The following CDH11 variants were observed in gnomAD, a reference collection of about 807,000 sequenced individuals.
CDH11 encodes the protein cadherin-11.
Under a neutral mutation model 67.8 loss-of-function variants are expected in CDH11, and 11 were observed. That is an observed-to-expected ratio of 0.16 (90% CI 0.10 to 0.27). The LOEUF (loss-of-function observed/expected upper bound fraction) is 0.27, where lower values mean the gene tolerates loss of function less well. CDH11 is among the 10% of genes least tolerant of loss of function. The pLI is 1.00. For synonymous variants in CDH11, 419 were observed against 400.0 expected, an observed-to-expected ratio of 1.05 and a Z score of -0.57; for missense variants, 847 against 1,031.2, an observed-to-expected ratio of 0.82 and a Z score of 2.45.
At chr16:65,003,606 T>C (rs994677747) in intron 3 of CDH11, among the ~76,000 whole-genome samples, 1 of 152,236 alleles carries the variant, frequency 6.6e-6, no homozygotes, top group African/African-American at 2.4e-5. Context: ...AAGATAACTG[T>C]ACATTTTACT....
intron 9 of CDH11, 83 bp from the exon 10 acceptor site, chr16:64,972,147 C>G: frequency 3.3e-6 from 4 of 1,221,194 alleles, no homozygotes; most frequent in Non-Finnish European, 4.8e-6. Flanking sequence ...AAAGAGTAAG[C>G]TCCAGCCACC....
intron 6 of CDH11, among the ~76,000 whole-genome samples, chr16:64,989,053 A>T (rs778780773): frequency 6.6e-6 from 1 of 152,198 alleles, no homozygotes. Context: ...ACTACTAAAC[A>T]AAACAGTCAA....
chr16:65,046,026 T>C (rs2073956435), intron 2 of CDH11, among the ~76,000 whole-genome samples: 1 of 152,176 alleles, frequency 6.6e-6, no homozygotes, highest in Admixed American at 6.5e-5. Flanking sequence ...CTTACTAAGT[T>C]ACTTCCTGCT....
chr16:65,074,399 AGCTGTGCAACCCCCCG>A (rs756977190), intron 1 of CDH11, among the ~76,000 whole-genome samples: 1 of 152,244 alleles, frequency 6.6e-6, no homozygotes, highest in Non-Finnish European at 1.5e-5. Context: ...ATCATTTGGT[AGCTGTGCAACCCCCCG>A]GCTTAACTTC....
chr16:65,061,686 T>C (rs951270679), intron 1 of CDH11, among the ~76,000 whole-genome samples: 4 of 152,244 alleles, frequency 2.6e-5, no homozygotes, highest in African/African-American at 9.6e-5. Context: ...TTAATCATCT[T>C]TGGGGATTTA....
rs1003418668 is a variant in CDH11 at position 64,955,861 on chromosome 16, A to T, written c.1643-4843T>A. On this transcript the variant is annotated intron_variant, in intron 11 of 12. Transcript: ENST00000268603. ...CAATAACGAAACCCCTTTACTAGACACCAATTTTTCACCCTATATTTGACT... is the reference window on the plus strand; with the variant it reads ...CAATAACGAAACCCCTTTACTAGACTCCAATTTTTCACCCTATATTTGACT... Among the ~76,000 whole-genome samples, 3 of 152,156 alleles carry T rather than the reference A, an allele frequency of 2.0e-5. No homozygotes were observed. In the East Asian group the frequency reaches 5.8e-4, roughly 29 times the overall value.
chr16:65,055,887 A>G (rs2074133832), intron 1 of CDH11, among the ~76,000 whole-genome samples: 1 of 152,172 alleles, frequency 6.6e-6, no homozygotes, highest in African/African-American at 2.4e-5. Flanking sequence ...TATGGGAGGT[A>G]ATTAGGTTTA....
intron 4 of CDH11, among the ~76,000 whole-genome samples, chr16:64,995,983 TA>T (rs548592839): frequency 2.6e-5 from 4 of 151,890 alleles, no homozygotes; most frequent in South Asian, 2.1e-4. Context: ...CTTACAAATA[TA>T]AAAAAATTGG....
intron 1 of CDH11, among the ~76,000 whole-genome samples, chr16:65,115,972 A>C (rs1026058234): frequency 6.6e-6 from 1 of 152,104 alleles, no homozygotes; most frequent in African/African-American, 2.4e-5. Context: ...GAAAAAATCT[A>C]TGATGAGCAA....
At chr16:65,106,859 C>T (rs2075074473) in intron 1 of CDH11, among the ~76,000 whole-genome samples, 1 of 151,678 alleles carries the variant, frequency 6.6e-6, no homozygotes, top group South Asian at 2.1e-4. Flanking sequence ...ATGAGCACAT[C>T]ACAGAAAACA....
chr16:65,023,915 G>A (rs1392714695), intron 2 of CDH11, among the ~76,000 whole-genome samples: 7 of 152,058 alleles, frequency 4.6e-5, no homozygotes, highest in Non-Finnish European at 4.4e-5. Context: ...CTTGTGAAAC[G>A]AGTCCTACCC....
intron 4 of CDH11, among the ~76,000 whole-genome samples, chr16:64,997,060 A>T (rs935072948): frequency 6.6e-6 from 1 of 151,962 alleles, no homozygotes; most frequent in African/African-American, 2.4e-5. Context: ...GCACTTTGGG[A>T]GGCTGAGGTG....
chr16:65,081,106 A>G (rs1054156955), intron 1 of CDH11, among the ~76,000 whole-genome samples: 1 of 152,206 alleles, frequency 6.6e-6, no homozygotes, highest in South Asian at 2.1e-4. Context: ...CGTTAATACT[A>G]TATGCATATG....
intron 2 of CDH11, among the ~76,000 whole-genome samples, chr16:65,035,188 G>C (rs768419264): frequency 5.3e-5 from 8 of 152,246 alleles, no homozygotes; most frequent in Non-Finnish European, 7.3e-5. Flanking sequence ...GGAGCATCCA[G>C]GGTGCCACAC....
intron 12 of CDH11, chr16:64,948,713 G>A (rs1355907100): frequency 2.5e-6 from 4 of 1,603,986 alleles, no homozygotes; most frequent in Non-Finnish European, 3.4e-6. Context: ...TAGGAAAATA[G>A]CATCAGCTGG....
intron 1 of CDH11, among the ~76,000 whole-genome samples, chr16:65,108,055 G>A (rs1160254591): frequency 1.3e-5 from 2 of 152,116 alleles, no homozygotes; most frequent in East Asian, 3.9e-4. Flanking sequence ...AAATGAGACA[G>A]AAGTTAGGCA....
chr16:64,947,441 C>CA lies in CDH11; in HGVS notation c.*161dup, dbSNP rs2071223186. 2 of 1,429,436 alleles carry CA rather than the reference C, an allele frequency of 1.4e-6. No individual in the cohort carries two copies. The highest frequency in any genetic ancestry group is 2.9e-5 in the African/African-American group (2 of 69,838). 88.5% of individuals were successfully genotyped at this position (1,429,436 alleles called of 1,614,324 possible). On this transcript the variant is annotated 3_prime_UTR_variant, in exon 13 of 13. Coordinates refer to ENST00000268603, the MANE Select transcript of CDH11 (RefSeq NM_001797.4). ...AGAAAAGGTATTTCACAGTATTTAC[C>CA]ACTTTGATGTCCTCGCAGTTTTATT...
At chr16:65,100,936 T>C (rs1157210339) in intron 1 of CDH11, among the ~76,000 whole-genome samples, 1 of 152,100 alleles carries the variant, frequency 6.6e-6, no homozygotes, top group East Asian at 1.9e-4. Context: ...ACACCTCTTA[T>C]CAAGGGAGCA....
chr16:65,005,340 A>G (rs2073028839), intron 2 of CDH11, among the ~76,000 whole-genome samples: 1 of 152,198 alleles, frequency 6.6e-6, no homozygotes, highest in South Asian at 2.1e-4. Flanking sequence ...TTGTGCTTAG[A>G]TATGATTTTG....
Sources: allele counts gnomAD v4.1 joint callset (sites outside exome capture counted in the v4.1 genomes callset), GRCh38; gene constraint gnomAD v4.1.1; transcripts MANE v1.5; gene names NCBI Gene and HGNC (gene_info 2026-07-23, HGNC 2026-07-21).